PDE7B: variants seen among roughly 807,000 people sequenced by gnomAD.
PDE7B encodes the protein phosphodiesterase 7B, also known as 3',5'-cyclic-AMP phosphodiesterase 7B.
Under a neutral mutation model 56.2 loss-of-function variants are expected in PDE7B, and 29 were observed. The ratio of observed to expected loss-of-function variants is 0.52; its 90% CI spans 0.38 to 0.70. The LOEUF (loss-of-function observed/expected upper bound fraction) is 0.70. Among genes scored for constraint, PDE7B ranks in the 30% least tolerant of loss-of-function variants. The pLI is 0.00. For synonymous variants in PDE7B, 197 were observed against 196.9 expected, an observed-to-expected ratio of 1.00 and a Z score of 0.00; for missense variants, 490 against 565.0, an observed-to-expected ratio of 0.87 and a Z score of 1.35.
chr6:136,166,844 T>A (rs1357702303), intron 8 of PDE7B, among the ~76,000 whole-genome samples: 1 of 152,198 alleles, frequency 6.6e-6, no homozygotes, highest in Non-Finnish European at 1.5e-5. Context: ...TATTTCAATG[T>A]AAGTCATAAT....
At chr6:135,982,459 T>C (rs982420771) in intron 2 of PDE7B, among the ~76,000 whole-genome samples, 14 of 152,192 alleles carry the variant, frequency 9.2e-5, no homozygotes, top group African/African-American at 3.4e-4. Flanking sequence ...GGAGAGAATC[T>C]GTCTGGCCCA....
At chr6:136,046,101 G>A (rs1353773633) in intron 2 of PDE7B, among the ~76,000 whole-genome samples, 1 of 151,936 alleles carries the variant, frequency 6.6e-6, no homozygotes, top group South Asian at 2.1e-4. Context: ...CAAAGAAGTC[G>A]ATAGTTTGCT....
chr6:136,151,331 G>T (rs1373351479), intron 6 of PDE7B, 76 bp downstream of exon 6: 3 of 765,816 alleles, frequency 3.9e-6, no homozygotes, highest in Non-Finnish European at 7.0e-6. Flanking sequence ...AATATAAAGT[G>T]GTAAGATCCA....
At chr6:135,907,664 T>A (rs1190919149) in intron 1 of PDE7B, among the ~76,000 whole-genome samples, 1 of 152,168 alleles carries the variant, frequency 6.6e-6, no homozygotes, top group Non-Finnish European at 1.5e-5. Context: ...AGTTAGACAA[T>A]GTAATTTTAA....
At chr6:136,005,529 T>C (rs192014022) in intron 2 of PDE7B, among the ~76,000 whole-genome samples, 40 of 152,106 alleles carry the variant, frequency 2.6e-4, no homozygotes, top group African/African-American at 8.9e-4. Flanking sequence ...ACAACCCCAT[T>C]GAAAAGTGGG....
At position 136,195,455 on chromosome 6, in the gene PDE7B, G is replaced by GAAAAAAAAAAAAA. The variant is rs559769128; in HGVS notation, c.*3625_*3637dup. On this transcript the variant is annotated 3_prime_UTR_variant, in exon 13 of 13. Transcript: ENST00000308191. ...CATTTTGTATACACATGTGAGGTTT[G>GAAAAAAAAAAAAA]AAAAAAAAAAAAAAAAAAAAAAGAA... 1.7e-3 allele frequency: 115 copies of GAAAAAAAAAAAAA among 68,964 alleles called. 2 individuals are homozygous for GAAAAAAAAAAAAA. The highest frequency in any genetic ancestry group is 4.7e-3 in the African/African-American group (110 of 23,274). The allele number at this position is 68,964 out of a possible 1,614,324, so 4.3% of individuals were successfully genotyped here.
chr6:135,948,459 T>C (rs1774628021), intron 2 of PDE7B, among the ~76,000 whole-genome samples: 2 of 151,984 alleles, frequency 1.3e-5, no homozygotes, highest in African/African-American at 4.8e-5. Flanking sequence ...ACAGTCTAGA[T>C]TATTGGTGAA....
intron 1 of PDE7B, among the ~76,000 whole-genome samples, chr6:135,935,174 AT>A (rs1774392590): frequency 1.8e-5 from 1 of 55,212 alleles, no homozygotes; most frequent in African/African-American, 1.1e-4. Flanking sequence ...AGAGAATTTT[AT>A]ATATATATAT....
At chr6:135,858,722 C>A (rs890205133) in intron 1 of PDE7B, among the ~76,000 whole-genome samples, 2 of 151,592 alleles carry the variant, frequency 1.3e-5, no homozygotes, top group African/African-American at 4.9e-5. Context: ...TGGCCTGTTA[C>A]ACGCCCAATT....
At chr6:136,055,960 A>G (rs1378705313) in intron 2 of PDE7B, among the ~76,000 whole-genome samples, 1 of 152,216 alleles carries the variant, frequency 6.6e-6, no homozygotes, top group East Asian at 1.9e-4. Flanking sequence ...GGGGAAGACT[A>G]AAAGATTCCA....
intron 3 of PDE7B, among the ~76,000 whole-genome samples, chr6:136,131,555 C>G (rs979146274): frequency 2.5e-5 from 3 of 121,878 alleles, no homozygotes; most frequent in African/African-American, 9.5e-5. Context: ...CCCACTCTTT[C>G]CCTTCCCCAC....
intron 1 of PDE7B, among the ~76,000 whole-genome samples, chr6:135,907,975 G>A (rs1776145143): frequency 6.6e-6 from 1 of 152,054 alleles, no homozygotes; most frequent in Admixed American, 6.6e-5. Context: ...TCTCAGGAAT[G>A]CAAAATTAAG....
chr6:135,857,878 A>G (rs1051494100), intron 1 of PDE7B, among the ~76,000 whole-genome samples: 36 of 152,292 alleles, frequency 2.4e-4, no homozygotes, highest in Middle Eastern at 3.4e-3. Flanking sequence ...ATTCATATAT[A>G]CTTTTTAAAA....
Position 136,194,365 on chromosome 6 carries a change from TCA to T in PDE7B, c.*2528_*2529del, listed in dbSNP as rs1779278885. 6.6e-6 allele frequency: 1 copy of T among 152,104 alleles called. No homozygotes were observed. The highest frequency in any genetic ancestry group is 2.1e-4 in the South Asian group (1 of 4,830). The allele number at this position is 152,104 out of a possible 1,614,324, so 9.4% of individuals were successfully genotyped here. A position where few individuals can be genotyped will look rare whatever the true frequency, so the allele number is the denominator to read the frequency against. On this transcript the variant is annotated 3_prime_UTR_variant, in exon 13 of 13. Coordinates refer to ENST00000308191, the MANE Select transcript of PDE7B (RefSeq NM_018945.4). ...TTACAATTAGGTCTTGAAGAAGAGCTCACAGAGAAAAAACTACCAAATATCCA... is the reference window on the plus strand; with the variant it reads ...TTACAATTAGGTCTTGAAGAAGAGCTCAGAGAAAAAACTACCAAATATCCA...
intron 2 of PDE7B, among the ~76,000 whole-genome samples, chr6:136,058,668 T>C (rs1272032192): frequency 6.6e-6 from 1 of 152,174 alleles, no homozygotes; most frequent in African/African-American, 2.4e-5. Flanking sequence ...TCAACACACA[T>C]GTTAACTGGT....
chr6:135,928,445 ATATT>A (rs1369734328), intron 1 of PDE7B, among the ~76,000 whole-genome samples: 12 of 114,846 alleles, frequency 1.0e-4, no homozygotes, highest in African/African-American at 4.0e-4. Flanking sequence ...ATATATATAT[ATATT>A]TATTTATATA....
intron 2 of PDE7B, among the ~76,000 whole-genome samples, 163 bp from the exon 3 acceptor site, chr6:136,108,568 A>T (rs1393739767): frequency 6.6e-6 from 1 of 152,094 alleles, no homozygotes; most frequent in East Asian, 1.9e-4. Flanking sequence ...ACCTCATTAC[A>T]CTCAGTATTA....
At chr6:135,868,009 A>C (rs1775296517) in intron 1 of PDE7B, among the ~76,000 whole-genome samples, 1 of 152,186 alleles carries the variant, frequency 6.6e-6, no homozygotes, top group Non-Finnish European at 1.5e-5. Context: ...AGCTCATTTT[A>C]TGTGTTGAAT....
At chr6:135,952,964 G>GT (rs1223895711) in intron 2 of PDE7B, among the ~76,000 whole-genome samples, 1 of 152,090 alleles carries the variant, frequency 6.6e-6, no homozygotes, top group East Asian at 1.9e-4. Flanking sequence ...GTAGTATTAA[G>GT]TACAGCCATT....
Sources: gnomAD v4.1 joint callset for allele counts (sites outside exome capture counted in the v4.1 genomes callset) on GRCh38, gnomAD v4.1.1 for gene constraint, MANE v1.5 for transcripts, NCBI Gene and HGNC (gene_info 2026-07-23, HGNC 2026-07-21) for gene names.